The following SLC30A4 variants were observed in gnomAD, a reference collection of about 807,000 sequenced individuals.
SLC30A4 encodes solute carrier family 30 member 4.
Under a neutral mutation model 41.7 loss-of-function variants are expected in SLC30A4, and 20 were observed. The ratio of observed to expected loss-of-function variants is 0.48; its 90% confidence interval spans 0.34 to 0.70. The LOEUF (loss-of-function observed/expected upper bound fraction) is 0.70. SLC30A4 is among the 30% of genes least tolerant of loss of function. The pLI is 0.01. For missense variants in SLC30A4, 441 were observed against 529.3 expected (o/e 0.83, Z 1.64); for synonymous variants, 181 against 195.9 (o/e 0.92, Z 0.64).
intron 3 of SLC30A4, among the ~76,000 whole-genome samples, chr15:45,504,165 C>T (rs1050229597): frequency 7.9e-5 from 12 of 152,064 alleles, no homozygotes; most frequent in African/African-American, 2.7e-4. Flanking sequence ...TTAAACTGTA[C>T]AGAAAGAACT....
At chr15:45,510,965 G>C (rs1892274507) in intron 3 of SLC30A4, among the ~76,000 whole-genome samples, 173 bp downstream of exon 3, 1 of 152,200 alleles carries the variant, frequency 6.6e-6, no homozygotes, top group African/African-American at 2.4e-5. Context: ...CTGTTTAGCT[G>C]ACTAGGCTAA....
At position 45,515,376 on chromosome 15, in the gene SLC30A4, C is replaced by T. The variant is rs558502678; in HGVS notation, c.392-4092G>A. On this transcript the variant is annotated intron_variant, in intron 2 of 7. Coordinates refer to ENST00000261867, the MANE Select transcript of SLC30A4 (RefSeq NM_013309.6). ...TATGGAGTTTAAAAGAAATTTCGGC[C>T]GGGCGTGGTGGCTCACACCTGTAAT... Among the ~76,000 whole-genome samples the T allele has an allele frequency of 3.9e-5, 6 of 151,998 alleles. No homozygotes were observed. The South Asian group carries it at 8.3e-4, about 21-fold the overall frequency.
chr15:45,484,930 C>G lies in SLC30A4; in HGVS notation c.*233G>C. 4.1e-6 allele frequency: 2 copies of G among 492,512 alleles called. 1 individual carries two copies. Among genetic ancestry groups the G allele is most frequent in the South Asian group, 6.1e-5 (2 of 32,632 alleles). 30.5% of individuals were successfully genotyped at this position (492,512 alleles called of 1,614,324 possible). A position where few individuals can be genotyped will look rare whatever the true frequency, so the allele number is the denominator to read the frequency against. Reference sequence around the variant, plus strand: ...CTATGAGGTATCTGTAGAGTCACATCTCATTCTGTAAACAGTGTTTGGGAA... The same window carrying G: ...CTATGAGGTATCTGTAGAGTCACATGTCATTCTGTAAACAGTGTTTGGGAA... On this transcript the variant is annotated 3_prime_UTR_variant, in exon 8 of 8. Transcript: ENST00000261867.
rs958046557 is a variant in SLC30A4, at chr15:45,511,016, T to A, written c.538+122A>T. The A allele has an allele frequency of 4.8e-5, 36 of 748,768 alleles. No individual in the cohort carries two copies. The Admixed American group carries it at 8.6e-4, about 18-fold the overall frequency. The allele number at this position is 748,768 out of a possible 1,614,324, so 46.4% of individuals were successfully genotyped here. Reference sequence around the variant, plus strand: ...GATGTTTCTGAATAAATTTTGTTTATCTATTTTCATTTGCTTTGTTCAAAC... The same window carrying A: ...GATGTTTCTGAATAAATTTTGTTTAACTATTTTCATTTGCTTTGTTCAAAC... On this transcript the variant is annotated intron_variant, in intron 3 of 7. Transcript: ENST00000261867.
intron 3 of SLC30A4, among the ~76,000 whole-genome samples, chr15:45,492,686 A>T (rs1044658273): frequency 1.3e-5 from 2 of 152,138 alleles, no homozygotes; most frequent in Non-Finnish European, 2.9e-5. Context: ...ACATAGTGTT[A>T]TGTGAAAAAA....
intron 3 of SLC30A4, among the ~76,000 whole-genome samples, chr15:45,496,663 G>C (rs896010595): frequency 1.3e-5 from 2 of 151,780 alleles, no homozygotes; most frequent in Non-Finnish European, 2.9e-5. Flanking sequence ...GAACTTGAAT[G>C]GTCATCTTTC....
chr15:45,510,809 G>A (rs1015793686), intron 3 of SLC30A4, among the ~76,000 whole-genome samples: 1 of 152,318 alleles, frequency 6.6e-6, no homozygotes. Flanking sequence ...GTAAAAGAGA[G>A]AAGCTAATGC....
intron 3 of SLC30A4, among the ~76,000 whole-genome samples, chr15:45,494,998 C>A (rs369570913): frequency 6.6e-6 from 1 of 151,892 alleles, no homozygotes; most frequent in East Asian, 1.9e-4. Flanking sequence ...GTCTCTCCCC[C>A]CAAAATTGGC....
At chr15:45,486,809 C>G in intron 6 of SLC30A4, 64 bp from the exon 7 acceptor site, 2 of 916,686 alleles carry the variant, frequency 2.2e-6, no homozygotes, top group Non-Finnish European at 3.2e-6. Context: ...TTTACATTAC[C>G]GATGACATTT....
At chr15:45,517,882 A>C (rs1203328191) in intron 2 of SLC30A4, among the ~76,000 whole-genome samples, 1 of 152,088 alleles carries the variant, frequency 6.6e-6, no homozygotes, top group Non-Finnish European at 1.5e-5. Context: ...CGGGAGGCAG[A>C]GCTTGCAGTG....
rs2140807653 is a variant in SLC30A4 at position 45,484,556 on chromosome 15, C to T, written c.*607G>A. ...AACTTTGAGATTCAAAACCCTGTAGCATCTGGAAAAGGTTGTTTATAAAGT... is the reference window on the plus strand; with the variant it reads ...AACTTTGAGATTCAAAACCCTGTAGTATCTGGAAAAGGTTGTTTATAAAGT... On this transcript the variant is annotated 3_prime_UTR_variant, in exon 8 of 8. Coordinates refer to ENST00000261867, the MANE Select transcript of SLC30A4 (RefSeq NM_013309.6). 1 of 152,266 alleles carries T rather than the reference C, an allele frequency of 6.6e-6. No individual in the cohort carries two copies. The highest frequency in any genetic ancestry group is 1.9e-4 in the East Asian group (1 of 5,192). The allele number at this position is 152,266 out of a possible 1,614,324, so 9.4% of individuals were successfully genotyped here.
chr15:45,490,608 G>A (rs562613079), intron 4 of SLC30A4, 120 bp downstream of exon 4: 2 of 607,256 alleles, frequency 3.3e-6, no homozygotes, highest in South Asian at 7.3e-5. Context: ...TATCAGAAAA[G>A]TTAATGAGTT....
intron 3 of SLC30A4, among the ~76,000 whole-genome samples, chr15:45,506,701 C>T (rs976620822): frequency 3.3e-5 from 5 of 151,974 alleles, no homozygotes; most frequent in South Asian, 2.1e-4. Flanking sequence ...TTTCAGAATA[C>T]AAAACAACAA....
chr15:45,499,457 T>C (rs1891974657), intron 3 of SLC30A4, among the ~76,000 whole-genome samples: 3 of 152,290 alleles, frequency 2.0e-5, no homozygotes, highest in South Asian at 4.1e-4. Flanking sequence ...TCCTTTCACA[T>C]GAGCATTATC....
intron 4 of SLC30A4, among the ~76,000 whole-genome samples, chr15:45,489,735 G>A (rs1217985188): frequency 3.3e-5 from 5 of 151,770 alleles, no homozygotes; most frequent in Non-Finnish European, 4.4e-5. Flanking sequence ...AAACCTGCAC[G>A]TTGTGCACAT....
intron 3 of SLC30A4, among the ~76,000 whole-genome samples, chr15:45,501,798 C>T (rs550565284): frequency 1.5e-4 from 23 of 152,176 alleles, no homozygotes; most frequent in African/African-American, 5.3e-4. Flanking sequence ...AGCCACCACA[C>T]CTATCCAACA....
At chr15:45,514,352 A>G (rs1425584594) in intron 2 of SLC30A4, among the ~76,000 whole-genome samples, 2 of 124,968 alleles carry the variant, frequency 1.6e-5, no homozygotes, top group African/African-American at 3.1e-5. Context: ...CAAGAGTGGA[A>G]CTCTGTCTCA....
intron 7 of SLC30A4, among the ~76,000 whole-genome samples, chr15:45,485,718 CTTT>C (rs776401920): frequency 1.4e-5 from 2 of 138,350 alleles, no homozygotes; most frequent in Non-Finnish European, 1.6e-5. Flanking sequence ...AATATTCTTT[CTTT>C]TTTTTTTTTT....
intron 3 of SLC30A4, among the ~76,000 whole-genome samples, chr15:45,509,246 T>C (rs1484677614): frequency 1.3e-5 from 2 of 151,288 alleles, no homozygotes. Flanking sequence ...TAGGAACACA[T>C]TCTTTTTTTT....
Sources: allele counts gnomAD v4.1 joint callset (sites outside exome capture counted in the v4.1 genomes callset), GRCh38; gene constraint gnomAD v4.1.1; transcripts MANE v1.5; gene names NCBI Gene and HGNC (gene_info 2026-07-23, HGNC 2026-07-21).